B3GAT2: variants seen among roughly 807,000 people sequenced by gnomAD.
B3GAT2 encodes the protein galactosylgalactosylxylosylprotein 3-beta-glucuronosyltransferase 2.
A neutral mutation model predicts 27.8 loss-of-function variants in B3GAT2; 26 were observed. That is an observed-to-expected ratio of 0.93 (90% CI 0.68 to 1.30). B3GAT2 has a LOEUF of 1.30. Ranked by LOEUF, B3GAT2 falls within the 50% of genes most tolerant of loss-of-function variation. The pLI, the probability that B3GAT2 is intolerant of heterozygous loss-of-function variation, is 0.00. For missense variants in B3GAT2, 458 were observed against 459.0 expected, an observed-to-expected ratio of 1.00 and a Z score of 0.02; for synonymous variants, 218 against 195.1, an observed-to-expected ratio of 1.12 and a Z score of -0.98.
Position 70,859,330 on chromosome 6 carries a change from T to C in B3GAT2, c.*2333A>G. On this transcript the variant is annotated 3_prime_UTR_variant, in exon 4 of 4. Transcript: ENST00000230053. ...GTTAATACTGGCTCTTACTTCCAGA[T>C]AATGCAGAAGGGTGATGCTGTTCTC... is the stretch of plus-strand genomic sequence containing the variant. 3 of 1,546,916 alleles carry C rather than the reference T, an allele frequency of 1.9e-6. No homozygotes were observed. The highest frequency in any genetic ancestry group is 1.7e-6 in the Non-Finnish European group (2 of 1,145,458).
chr6:70,871,218 T>TG lies in B3GAT2; in HGVS notation c.737-9241_737-9240insC, dbSNP rs1428922953. On this transcript the variant is annotated intron_variant, in intron 2 of 3. Transcript: ENST00000230053. Reference sequence around the variant, plus strand: ...GATATAGGTCTGTCTGTTTTTTTTTTTTTGTTTTTTTTTTTTCTTCGTGAT... The same window carrying TG: ...GATATAGGTCTGTCTGTTTTTTTTTTGTTTGTTTTTTTTTTTTCTTCGTGAT... 7.0e-4 allele frequency among the ~76,000 whole-genome samples: 42 copies of TG among 60,342 alleles called. No homozygotes were observed. In the East Asian group the frequency reaches 9.4e-3, roughly 14 times the overall value. 39.6% of individuals were successfully genotyped at this position (60,342 alleles called of 152,430 possible).
chr6:70,946,350 G>A (rs1368718882), intron 1 of B3GAT2, among the ~76,000 whole-genome samples: 2 of 152,002 alleles, frequency 1.3e-5, no homozygotes, highest in African/African-American at 4.8e-5. Flanking sequence ...CACGTGCAGA[G>A]ACACACATAG....
rs1009502779 is a variant in B3GAT2, at chr6:70,957,027, C to T, written c.-598G>A. ...GGAAGCCTGCTCTCAGTCCCTTGCT[C>T]TTGTCTTCTCAGAACCTCTCCGGAT... is the stretch of plus-strand genomic sequence containing the variant. On this transcript the variant is annotated 5_prime_UTR_variant, in exon 1 of 4. Transcript: ENST00000230053. The T allele has an allele frequency of 3.3e-5, 33 of 990,784 alleles. No individual in the cohort carries two copies. Among genetic ancestry groups the T allele is most frequent in the African/African-American group, 3.5e-5 (2 of 57,242 alleles). 61.4% of individuals were successfully genotyped at this position (990,784 alleles called of 1,614,324 possible).
chr6:70,927,161 G>C (rs1487294823), intron 1 of B3GAT2, among the ~76,000 whole-genome samples: 4 of 152,266 alleles, frequency 2.6e-5, no homozygotes, highest in East Asian at 1.9e-4. Context: ...TGCCTTACAA[G>C]AGCTCCTGAA....
Position 70,859,298 on chromosome 6 carries a change from G to C in B3GAT2, c.*2365C>G. On this transcript the variant is annotated 3_prime_UTR_variant, in exon 4 of 4. Transcript: ENST00000230053. ...TCAGGTTAAGGTGCTAGATGAACCA[G>C]GAAGGAGTTAATACTGGCTCTTACT... 6.7e-7 allele frequency: 1 copy of C among 1,501,964 alleles called. No homozygotes were observed. Among genetic ancestry groups the C allele is most frequent in the Non-Finnish European group, 9.0e-7 (1 of 1,112,490 alleles). 93.0% of individuals were successfully genotyped at this position (1,501,964 alleles called of 1,614,324 possible).
chr6:70,948,366 A>G (rs1224689167), intron 1 of B3GAT2, among the ~76,000 whole-genome samples: 1 of 147,978 alleles, frequency 6.8e-6, no homozygotes, highest in Non-Finnish European at 1.5e-5. Flanking sequence ...TTAAGCTGAT[A>G]AGCAACTTCA....
intron 1 of B3GAT2, among the ~76,000 whole-genome samples, chr6:70,897,044 T>C (rs1204475988): frequency 6.6e-6 from 1 of 152,226 alleles, no homozygotes; most frequent in Non-Finnish European, 1.5e-5. Flanking sequence ...AAGAGACGTC[T>C]AGTTCCTCCA....
At chr6:70,912,566 T>C (rs1417707473) in intron 1 of B3GAT2, among the ~76,000 whole-genome samples, 1 of 152,150 alleles carries the variant, frequency 6.6e-6, no homozygotes, top group Non-Finnish European at 1.5e-5. Flanking sequence ...TCTATGTTTG[T>C]CCAGGATATT....
chr6:70,919,179 G>T (rs1433150024), intron 1 of B3GAT2, among the ~76,000 whole-genome samples: 1 of 152,088 alleles, frequency 6.6e-6, no homozygotes, highest in Non-Finnish European at 1.5e-5. Flanking sequence ...TCTTTCGCTT[G>T]ATTGAATCAG....
chr6:70,903,610 C>A (rs1197783934), intron 1 of B3GAT2, among the ~76,000 whole-genome samples: 1 of 152,090 alleles, frequency 6.6e-6, no homozygotes, highest in African/African-American at 2.4e-5. Flanking sequence ...TGCTCTGTGT[C>A]ATCACCCATT....
intron 2 of B3GAT2, among the ~76,000 whole-genome samples, chr6:70,875,173 A>T (rs1771994056): frequency 6.6e-6 from 1 of 152,012 alleles, no homozygotes; most frequent in Non-Finnish European, 1.5e-5. Context: ...TCTTTTTGCA[A>T]CCCCAAATCC....
intron 2 of B3GAT2, among the ~76,000 whole-genome samples, chr6:70,864,349 C>T (rs1416943619): frequency 2.0e-5 from 3 of 152,116 alleles, no homozygotes; most frequent in African/African-American, 4.8e-5. Flanking sequence ...ATCCTTCCAG[C>T]GCTTCACACA....
Position 70,858,303 on chromosome 6 carries a change from T to G in B3GAT2, c.*3360A>C, listed in dbSNP as rs1264957762. 2 of 1,331,204 alleles carry G rather than the reference T, an allele frequency of 1.5e-6. No homozygotes were observed. The highest frequency in any genetic ancestry group is 9.9e-7 in the Non-Finnish European group (1 of 1,010,096). 82.5% of individuals were successfully genotyped at this position (1,331,204 alleles called of 1,614,324 possible). A position where few individuals can be genotyped will look rare whatever the true frequency, so the allele number is the denominator to read the frequency against. The stretch of plus-strand genomic sequence containing the variant: ...TTTCTAAATCTTTTTTTTTTTTTTT[T>G]TTTTTTTTTTTTAAGTCTAGTGATC... On this transcript the variant is annotated 3_prime_UTR_variant, in exon 4 of 4. Coordinates refer to ENST00000230053, the MANE Select transcript of B3GAT2 (RefSeq NM_080742.3).
intron 2 of B3GAT2, among the ~76,000 whole-genome samples, chr6:70,870,306 C>T (rs1397035376): frequency 6.7e-6 from 1 of 148,654 alleles, no homozygotes; most frequent in African/African-American, 2.5e-5. Flanking sequence ...GAACCAAACA[C>T]CGCATGTTCT....
At position 70,955,707 on chromosome 6, in the gene B3GAT2, C is replaced by A. The variant is rs1011294937; in HGVS notation, c.591+132G>T. On this transcript the variant is annotated intron_variant, in intron 1 of 3. Transcript: ENST00000230053. ...CAGCAAGGAGCGGCTCCACTCGGTGCCCCGAATGCGCGCACGGAGAACTGA... is the reference window on the plus strand; with the variant it reads ...CAGCAAGGAGCGGCTCCACTCGGTGACCCGAATGCGCGCACGGAGAACTGA... 6 of 1,114,184 alleles carry A rather than the reference C, an allele frequency of 5.4e-6. No homozygotes were observed. The Admixed American group carries it at 9.9e-5, about 18-fold the overall frequency. 69.0% of individuals were successfully genotyped at this position (1,114,184 alleles called of 1,614,324 possible). A position where few individuals can be genotyped will look rare whatever the true frequency, so the allele number is the denominator to read the frequency against.
At chr6:70,943,890 T>C (rs962871885) in intron 1 of B3GAT2, among the ~76,000 whole-genome samples, 9 of 152,250 alleles carry the variant, frequency 5.9e-5, no homozygotes, top group African/African-American at 2.2e-4. Flanking sequence ...GCAACACAAA[T>C]TGGTGACTAT....
In B3GAT2 at chr6:70,944,489, C is replaced by T. The variant is rs551786198; in HGVS notation, c.591+11350G>A. 2.0e-4 allele frequency among the ~76,000 whole-genome samples: 30 copies of T among 152,178 alleles called. No homozygotes were observed. In the South Asian group the frequency reaches 2.1e-3, roughly 11 times the overall value. On this transcript the variant is annotated intron_variant, in intron 1 of 3. Transcript: ENST00000230053. ...ACAGGTCTGAGATCAAACTGCAAGGCGACTGCAAGGCGGCAGCGAGGCTGG... is the reference window on the plus strand; with the variant it reads ...ACAGGTCTGAGATCAAACTGCAAGGTGACTGCAAGGCGGCAGCGAGGCTGG...
intron 2 of B3GAT2, among the ~76,000 whole-genome samples, chr6:70,888,957 A>G (rs563800455): frequency 5.9e-4 from 89 of 152,110 alleles, no homozygotes; most frequent in African/African-American, 2.0e-3. Flanking sequence ...CTCATTTTCG[A>G]CCCCACGATG....
At chr6:70,882,922 A>G (rs1030689316) in intron 2 of B3GAT2, among the ~76,000 whole-genome samples, 5 of 145,018 alleles carry the variant, frequency 3.4e-5, no homozygotes, top group Non-Finnish European at 6.2e-5. Context: ...CATTTTATAG[A>G]AATGTATAAA....
Sources: gnomAD v4.1 joint callset for allele counts (sites outside exome capture counted in the v4.1 genomes callset) on GRCh38, gnomAD v4.1.1 for gene constraint, MANE v1.5 for transcripts, NCBI Gene and HGNC (gene_info 2026-07-23, HGNC 2026-07-21) for gene names.